Variants in HIRA observed in about 807,000 individuals in gnomAD.
HIRA encodes histone cell cycle regulator, also known as protein HIRA.
In HIRA, 13 loss-of-function variants were observed where a neutral mutation model predicts 126.6. The ratio of observed to expected loss-of-function variants is 0.10; its 90% CI spans 0.07 to 0.16. The LOEUF (loss-of-function observed/expected upper bound fraction) is 0.16, where lower values mean the gene tolerates loss of function less well. HIRA is among the 10% of genes least tolerant of loss of function. HIRA has a pLI of 1.00. For synonymous variants in HIRA, 511 were observed against 520.0 expected, an observed-to-expected ratio of 0.98 and a Z score of 0.24; for missense variants, 834 against 1,314.4, an observed-to-expected ratio of 0.63 and a Z score of 5.65.
chr22:19,350,836 A>G (rs1427827040), intron 24 of HIRA, among the ~76,000 whole-genome samples: 1 of 151,892 alleles, frequency 6.6e-6, no homozygotes, highest in East Asian at 1.9e-4. Flanking sequence ...CACTTCTACT[A>G]GGAAACACTT....
chr22:19,403,846 A>G (rs982328845), intron 5 of HIRA, among the ~76,000 whole-genome samples: 1 of 152,192 alleles, frequency 6.6e-6, no homozygotes, highest in Non-Finnish European at 1.5e-5. Context: ...TGCACCTACA[A>G]CTAATTTAGA....
At position 19,377,991 on chromosome 22, in the gene HIRA, G is replaced by A. The variant is rs1021705171; in HGVS notation, c.1491C>T (p.Ser497=). The A allele has an allele frequency of 1.9e-6, 3 of 1,613,022 alleles. No homozygotes were observed. The highest frequency in any genetic ancestry group is 2.7e-5 in the African/African-American group (2 of 74,988). The change falls in exon 14 of 25, where the codon AGC becomes AGT. Residue 497 remains serine, a synonymous_variant. Transcript: ENST00000263208. ...SLAGTMLSSH[S]SPQLLPLDSS... is the part of the protein sequence containing the mutation. The stretch of plus-strand genomic sequence containing the variant: ...AGTCCAGTGGCAGTAGCTGTGGACT[G>A]CTATGAGAAGAGAGCATGGTGCCCG...
rs182992312 is a variant in HIRA, at chr22:19,417,204, A to C, written c.38-6426T>G. 3.5e-3 allele frequency among the ~76,000 whole-genome samples: 509 copies of C among 144,672 alleles called. 19 individuals carry two copies. The East Asian group carries it at 0.068, about 19-fold the overall frequency. 94.9% of individuals were successfully genotyped at this position (144,672 alleles called of 152,430 possible). On this transcript the variant is annotated intron_variant, in intron 1 of 24. Coordinates refer to ENST00000263208, the MANE Select transcript of HIRA (RefSeq NM_003325.4). The stretch of plus-strand genomic sequence containing the variant: ...GACAGTGTGAGACTCTGTCTCAAAA[A>C]AGAAAAGAAAAGAAAAGAAAAGATA...
chr22:19,367,467 A>G (rs1390300387), intron 15 of HIRA, among the ~76,000 whole-genome samples: 3 of 151,810 alleles, frequency 2.0e-5, no homozygotes, highest in Non-Finnish European at 4.4e-5. Context: ...CCCAGGTTCA[A>G]GTGACTCTCC....
At chr22:19,423,482 TACACACACACACAC>T (rs777914879) in intron 1 of HIRA, among the ~76,000 whole-genome samples, 16 of 111,216 alleles carry the variant, frequency 1.4e-4, no homozygotes, top group Admixed American at 2.9e-4. Context: ...CACACATGCA[TACACACACACACAC>T]ACACACACAC....
At chr22:19,356,813 C>G in intron 19 of HIRA, 77 bp downstream of exon 19, 2 of 1,423,692 alleles carry the variant, frequency 1.4e-6, no homozygotes, top group South Asian at 2.5e-5. Flanking sequence ...CCTTCCCTGC[C>G]CCTGCAGTGA....
At chr22:19,348,556 C>T (rs567267738) in intron 24 of HIRA, among the ~76,000 whole-genome samples, 4 of 151,572 alleles carry the variant, frequency 2.6e-5, no homozygotes, top group Middle Eastern at 3.4e-3. Flanking sequence ...TGTGCAATGG[C>T]GCGATCTCGG....
chr22:19,388,549 T>A lies in HIRA; in HGVS notation c.942A>T (p.Thr314=). ...SKDRSLSVWL[T]CLKRPLVVIH... The stretch of plus-strand genomic sequence containing the variant: ...TGACCACCAGCGGCCGTTTCAGACA[T>A]GTGAGCTGGAAGGAAAGACACAGTC... The change falls in exon 10 of 25, where the codon ACA becomes ACT. Residue 314 remains threonine (T), a synonymous_variant. Coordinates refer to ENST00000263208, the MANE Select transcript of HIRA (RefSeq NM_003325.4). The A allele has an allele frequency of 1.2e-6, 2 of 1,612,772 alleles. No individual in the cohort carries two copies. Among genetic ancestry groups the A allele is most frequent in the Non-Finnish European group, 1.7e-6 (2 of 1,178,722 alleles).
intron 1 of HIRA, among the ~76,000 whole-genome samples, chr22:19,413,507 C>A (rs759194136): frequency 6.6e-6 from 1 of 152,142 alleles, no homozygotes; most frequent in East Asian, 1.9e-4. Flanking sequence ...CAGATACCAG[C>A]GCAGTGCTGG....
intron 24 of HIRA, among the ~76,000 whole-genome samples, chr22:19,339,362 C>T (rs968224263): frequency 2.0e-5 from 3 of 152,144 alleles, no homozygotes; most frequent in African/African-American, 4.8e-5. Context: ...AGGCCAAGCA[C>T]GGTGGCTCGT....
chr22:19,353,453 G>A lies in HIRA; in HGVS notation c.2751C>T (p.Ala917=). 1 of 1,613,028 alleles carries A rather than the reference G, an allele frequency of 6.2e-7. No individual in the cohort carries two copies. The highest frequency in any genetic ancestry group is 8.5e-7 in the Non-Finnish European group (1 of 1,179,910). The change falls in exon 23 of 25, where the codon GCC becomes GCT. Residue 917 remains alanine, a synonymous_variant. Coordinates refer to ENST00000263208, the MANE Select transcript of HIRA (RefSeq NM_003325.4). ...CTGCTGCCACCTGGTTCTCTAGGTAGGCCAGGGTGGTCTCTTGCTGCACCA... is the reference window on the plus strand; with the variant it reads ...CTGCTGCCACCTGGTTCTCTAGGTAAGCCAGGGTGGTCTCTTGCTGCACCA... ...PHVVQQETTL[A]YLENQVAAAL... is the part of the protein sequence containing the mutation.
Position 19,400,423 on chromosome 22 carries a change from A to T in HIRA, c.398-2336T>A, listed in dbSNP as rs1318289554. Among the ~76,000 whole-genome samples, 6 of 152,136 alleles carry T rather than the reference A, an allele frequency of 3.9e-5. No individual in the cohort carries two copies. In the East Asian group the frequency reaches 1.2e-3, roughly 29 times the overall value. ...TAAGCGATGCCTCCTTTCACAACAC[A>T]CCAACTTCTTAGGTATACTGTAGCC... On this transcript the variant is annotated intron_variant, in intron 5 of 24. Coordinates refer to ENST00000263208, the MANE Select transcript of HIRA (RefSeq NM_003325.4).
intron 1 of HIRA, among the ~76,000 whole-genome samples, chr22:19,426,510 G>A (rs775153744): frequency 1.3e-5 from 2 of 152,140 alleles, no homozygotes; most frequent in South Asian, 2.1e-4. Flanking sequence ...CCACAAACCC[G>A]ACTCTGCTGG....
intron 14 of HIRA, among the ~76,000 whole-genome samples, chr22:19,376,987 C>T (rs2089024977): frequency 1.3e-5 from 2 of 152,198 alleles, no homozygotes; most frequent in African/African-American, 4.8e-5. Context: ...GGGGAAAAGC[C>T]CAGACTACCT....
At position 19,377,878 on chromosome 22, in the gene HIRA, T is replaced by C; in HGVS notation, c.1604A>G (p.Asn535Ser). ...CTTGGCACCCACTAACCTGTCTTTA[T>C]TGACAGAATCGCCTGCAGGTCTGGC... ...ASARPAGDSV[N>S]KDSMNATSTP... The change falls in exon 14 of 25, where the codon AAT (asparagine) becomes AGT (serine). Residue 535 changes from asparagine to serine, a missense_variant. Transcript: ENST00000263208. The C allele has an allele frequency of 4.3e-6, 7 of 1,610,078 alleles. No individual in the cohort carries two copies. The highest frequency in any genetic ancestry group is 5.9e-6 in the Non-Finnish European group (7 of 1,178,072).
chr22:19,374,796 C>T (rs1196958027), intron 15 of HIRA, among the ~76,000 whole-genome samples: 4 of 152,200 alleles, frequency 2.6e-5, no homozygotes, highest in Non-Finnish European at 5.9e-5. Flanking sequence ...GATGGTGGCA[C>T]AGGCTAGGGT....
intron 15 of HIRA, among the ~76,000 whole-genome samples, chr22:19,372,303 T>C (rs919095528): frequency 7.2e-5 from 11 of 152,350 alleles, no homozygotes; most frequent in Middle Eastern, 6.8e-3. Flanking sequence ...AAGTATTTCA[T>C]TGAAGTTTTG....
intron 23 of HIRA, 28 bp downstream of exon 23, chr22:19,353,328 G>A (rs782094830): frequency 2.5e-6 from 4 of 1,611,972 alleles, no homozygotes; most frequent in Non-Finnish European, 3.4e-6. Context: ...AGAAGGAGAA[G>A]GCTGCTCAGG....
chr22:19,337,722 A>C (rs1231902834), intron 24 of HIRA, among the ~76,000 whole-genome samples: 2 of 152,188 alleles, frequency 1.3e-5, no homozygotes, highest in African/African-American at 4.8e-5. Flanking sequence ...AGGTTATCTA[A>C]AGTCAAGACA....
Sources: allele counts gnomAD v4.1 joint callset (sites outside exome capture counted in the v4.1 genomes callset), GRCh38; gene constraint gnomAD v4.1.1; transcripts MANE v1.5; gene names NCBI Gene and HGNC (gene_info 2026-07-23, HGNC 2026-07-21).